The following PPP3CA variants were observed in gnomAD, a reference collection of about 807,000 sequenced individuals.
PPP3CA encodes the protein CAM-PRP catalytic subunit.
In PPP3CA, 14 loss-of-function variants were observed where a neutral mutation model predicts 66.5. The ratio of observed to expected loss-of-function variants is 0.21; its 90% CI spans 0.14 to 0.33. The LOEUF is 0.33. Among genes scored for constraint, PPP3CA ranks in the 10% least tolerant of loss-of-function variants. The pLI is 1.00. For missense variants in PPP3CA, 317 were observed against 639.5 expected, an observed-to-expected ratio of 0.50 and a Z score of 5.44; for synonymous variants, 232 against 226.2, an observed-to-expected ratio of 1.03 and a Z score of -0.23.
At chr4:101,279,732 C>CTAAG (rs1418369070) in intron 1 of PPP3CA, among the ~76,000 whole-genome samples, 2 of 152,110 alleles carry the variant, frequency 1.3e-5, no homozygotes, top group African/African-American at 2.4e-5. Flanking sequence ...GGAAGTAGAA[C>CTAAG]TAAGCTCCGT....
intron 8 of PPP3CA, among the ~76,000 whole-genome samples, chr4:101,080,280 C>T (rs1447521826): frequency 6.6e-6 from 1 of 152,082 alleles, no homozygotes; most frequent in African/African-American, 2.4e-5. Context: ...ACTAGAGCAG[C>T]AGCTGTCAAC....
At chr4:101,285,599 ATG>A (rs56681112) in intron 1 of PPP3CA, among the ~76,000 whole-genome samples, 28,910 of 123,998 alleles carry the variant, frequency 0.23, 2,991 homozygotes, top group Middle Eastern at 0.28. Flanking sequence ...CACTGTGTGT[ATG>A]TGTGTGTGTG....
At chr4:101,282,888 G>A (rs774746020) in intron 1 of PPP3CA, among the ~76,000 whole-genome samples, 2 of 152,216 alleles carry the variant, frequency 1.3e-5, no homozygotes, top group Middle Eastern at 6.8e-3. Flanking sequence ...ATCTAACTTT[G>A]ATAAAATAAG....
chr4:101,197,434 G>A (rs1724834467), intron 1 of PPP3CA, among the ~76,000 whole-genome samples: 1 of 152,156 alleles, frequency 6.6e-6, no homozygotes, highest in Admixed American at 6.5e-5. Context: ...AGCAGTCTTG[G>A]CAGATTTGGT....
At chr4:101,117,895 C>T (rs1042667063) in intron 2 of PPP3CA, among the ~76,000 whole-genome samples, 7 of 151,938 alleles carry the variant, frequency 4.6e-5, no homozygotes, top group Non-Finnish European at 1.0e-4. Flanking sequence ...GATATAATTT[C>T]AGCCGAATGT....
intron 2 of PPP3CA, among the ~76,000 whole-genome samples, chr4:101,169,863 A>G (rs1312197308): frequency 5.3e-5 from 8 of 152,098 alleles, no homozygotes; most frequent in Non-Finnish European, 1.2e-4. Flanking sequence ...CATGTTGGTG[A>G]TTTTTATCCT....
At chr4:101,329,659 T>C (rs1729317555) in intron 1 of PPP3CA, among the ~76,000 whole-genome samples, 1 of 152,146 alleles carries the variant, frequency 6.6e-6, no homozygotes, top group African/African-American at 2.4e-5. Context: ...TAGGGGTTAA[T>C]GCAGCTGGTA....
At chr4:101,183,720 T>C (rs965726607) in intron 2 of PPP3CA, among the ~76,000 whole-genome samples, 1 of 152,140 alleles carries the variant, frequency 6.6e-6, no homozygotes, top group African/African-American at 2.4e-5. Context: ...ATGCATCTCA[T>C]CCCTTTTCTT....
At chr4:101,148,399 T>A (rs1428132335) in intron 2 of PPP3CA, among the ~76,000 whole-genome samples, 1 of 152,116 alleles carries the variant, frequency 6.6e-6, no homozygotes, top group African/African-American at 2.4e-5. Flanking sequence ...GTTGCCGTAG[T>A]TAGGCTGTTT....
chr4:101,087,181 C>T (rs1314448398), intron 6 of PPP3CA, among the ~76,000 whole-genome samples: 7 of 152,198 alleles, frequency 4.6e-5, no homozygotes, highest in Admixed American at 4.6e-4. Flanking sequence ...TTTCCTAGGA[C>T]TTGCTGTGTT....
In PPP3CA at chr4:101,199,713, C is replaced by T. The variant is rs139563775; in HGVS notation, c.59-3597G>A. On this transcript the variant is annotated intron_variant, in intron 1 of 13. Transcript: ENST00000394854. ...CAACATATTGAGCTAGGATTATGTTCTCATGTCATTGACTGTGGAAATCCG... is the reference window on the plus strand; with the variant it reads ...CAACATATTGAGCTAGGATTATGTTTTCATGTCATTGACTGTGGAAATCCG... 6.3e-3 allele frequency among the ~76,000 whole-genome samples: 959 copies of T among 152,240 alleles called. 6 individuals carry two copies. Among genetic ancestry groups the T allele is most frequent in the Non-Finnish European group, 0.01 (707 of 68,008 alleles).
At chr4:101,268,797 A>G (rs1727246062) in intron 1 of PPP3CA, among the ~76,000 whole-genome samples, 1 of 152,124 alleles carries the variant, frequency 6.6e-6, no homozygotes, top group Non-Finnish European at 1.5e-5. Context: ...TCCTTAAGAT[A>G]ATATGGGAAA....
At position 101,032,703 on chromosome 4, in the gene PPP3CA, T is replaced by C. The variant is rs532939401; in HGVS notation, c.1242-339A>G. On this transcript the variant is annotated intron_variant, in intron 11 of 13. Transcript: ENST00000394854. The stretch of plus-strand genomic sequence containing the variant: ...TGTTGTGCATTCTGTATGTTAAAAG[T>C]GAGCCATAGAGAATGCTGATGTTAA... Among the ~76,000 whole-genome samples the C allele has an allele frequency of 1.7e-4, 26 of 152,286 alleles. No individual in the cohort carries two copies. In the East Asian group the frequency reaches 4.6e-3, roughly 27 times the overall value.
rs528187370 is a variant in PPP3CA, at chr4:101,285,572, C to T, written c.58+61167G>A. ...GAATTAATTGATACTAATTCCTTTC[C>T]CTTCCCTTTCAAATGCCACTGTGTG... On this transcript the variant is annotated intron_variant, in intron 1 of 13. Transcript: ENST00000394854. Among the ~76,000 whole-genome samples, 11 of 148,164 alleles carry T rather than the reference C, an allele frequency of 7.4e-5. No homozygotes were observed. In the South Asian group the frequency reaches 2.1e-3, roughly 29 times the overall value.
At chr4:101,131,719 T>G (rs1322381766) in intron 2 of PPP3CA, among the ~76,000 whole-genome samples, 1 of 152,072 alleles carries the variant, frequency 6.6e-6, no homozygotes, top group Non-Finnish European at 1.5e-5. Flanking sequence ...ACAAGGATAT[T>G]CAGAACTTGA....
rs187889985 is a variant in PPP3CA at position 101,240,578 on chromosome 4, A to G, written c.59-44462T>C. The stretch of plus-strand genomic sequence containing the variant: ...GGAGGCTGGGAAATCAGATACGCAA[A>G]CAGGAAAAAATAAAAAGAGAAAGCA... On this transcript the variant is annotated intron_variant, in intron 1 of 13. Coordinates refer to ENST00000394854, the MANE Select transcript of PPP3CA (RefSeq NM_000944.5). 6.4e-4 allele frequency among the ~76,000 whole-genome samples: 98 copies of G among 152,250 alleles called. 1 individual carries two copies. Among genetic ancestry groups the G allele is most frequent in the African/African-American group, 2.1e-3 (88 of 41,558 alleles).
At chr4:101,240,048 CG>C (rs34664327) in intron 1 of PPP3CA, among the ~76,000 whole-genome samples, 3 of 135,856 alleles carry the variant, frequency 2.2e-5, no homozygotes, top group South Asian at 2.3e-4. Context: ...TTGGGGGGAG[CG>C]GGGGGGAGGT....
At chr4:101,070,819 T>C (rs1728883734) in intron 8 of PPP3CA, among the ~76,000 whole-genome samples, 4 of 152,224 alleles carry the variant, frequency 2.6e-5, no homozygotes, top group African/African-American at 2.4e-5. Flanking sequence ...ATAATTGATC[T>C]TTGTATGTAG....
chr4:101,337,488 C>G (rs543569818), intron 1 of PPP3CA, among the ~76,000 whole-genome samples: 36 of 152,332 alleles, frequency 2.4e-4, no homozygotes, highest in Admixed American at 2.0e-3. Context: ...ATAGAGTACT[C>G]AGGGAGAATT....
Sources: allele counts gnomAD v4.1 joint callset (sites outside exome capture counted in the v4.1 genomes callset), GRCh38; gene constraint gnomAD v4.1.1; transcripts MANE v1.5; gene names NCBI Gene and HGNC (gene_info 2026-07-23, HGNC 2026-07-21).